KCND2: variants seen among roughly 807,000 people sequenced by gnomAD.
KCND2 encodes A-type voltage-gated potassium channel KCND2.
A neutral mutation model predicts 54.4 loss-of-function variants in KCND2; 16 were observed. The observed-to-expected ratio is 0.29, with a 90% CI of 0.20 to 0.45. KCND2 has a LOEUF of 0.45. Among genes scored for constraint, KCND2 ranks in the 20% least tolerant of loss-of-function variants. KCND2 has a pLI of 1.00. For synonymous variants in KCND2, 317 were observed against 310.7 expected (o/e 1.02, Z -0.21); for missense variants, 486 against 824.2 (o/e 0.59, Z 5.02).
At chr7:120,496,720 G>A (rs802344) in intron 1 of KCND2, among the ~76,000 whole-genome samples, 17,569 of 152,022 alleles carry the variant, frequency 0.12, 1,600 homozygotes, top group East Asian at 0.49. Flanking sequence ...CACCGTGCCC[G>A]GCCTTCTTAA....
At chr7:120,279,477 A>C (rs189416752) in intron 1 of KCND2, among the ~76,000 whole-genome samples, 4 of 152,122 alleles carry the variant, frequency 2.6e-5, no homozygotes, top group African/African-American at 4.8e-5. Context: ...AAGTTGCTAC[A>C]TGGCATTTCT....
At chr7:120,660,051 G>A (rs1791847667) in intron 1 of KCND2, among the ~76,000 whole-genome samples, 1 of 152,104 alleles carries the variant, frequency 6.6e-6, no homozygotes, top group Non-Finnish European at 1.5e-5. Flanking sequence ...GGATGTTATG[G>A]GTGGGCATGG....
intron 1 of KCND2, among the ~76,000 whole-genome samples, chr7:120,337,200 C>T (rs1037672560): frequency 6.6e-6 from 1 of 152,014 alleles, no homozygotes; most frequent in Non-Finnish European, 1.5e-5. Context: ...TATTGTTTTT[C>T]ACCACCTAGA....
At chr7:120,586,179 A>G (rs1296898234) in intron 1 of KCND2, among the ~76,000 whole-genome samples, 1 of 152,106 alleles carries the variant, frequency 6.6e-6, no homozygotes, top group Admixed American at 6.6e-5. Context: ...ACACACACAC[A>G]CACAAACACA....
intron 1 of KCND2, among the ~76,000 whole-genome samples, chr7:120,329,466 T>G (rs1429094198): frequency 6.6e-6 from 1 of 152,130 alleles, no homozygotes; most frequent in Non-Finnish European, 1.5e-5. Context: ...CACCTGAAAA[T>G]TAAGTTAAAT....
chr7:120,425,888 C>A (rs1801699373), intron 1 of KCND2, among the ~76,000 whole-genome samples: 1 of 151,710 alleles, frequency 6.6e-6, no homozygotes, highest in South Asian at 2.1e-4. Context: ...TCTTACATTT[C>A]TGGATTCTTC....
chr7:120,347,042 T>TA (rs1477145017), intron 1 of KCND2, among the ~76,000 whole-genome samples: 3 of 146,796 alleles, frequency 2.0e-5, no homozygotes, highest in Non-Finnish European at 4.5e-5. Context: ...CTCATGGCTC[T>TA]TTTTTTTTTG....
chr7:120,341,479 G>A (rs1300837039), intron 1 of KCND2, among the ~76,000 whole-genome samples: 1 of 152,082 alleles, frequency 6.6e-6, no homozygotes, highest in Non-Finnish European at 1.5e-5. Context: ...AAATATGCGG[G>A]ATCAATTGAT....
At chr7:120,498,910 G>T (rs1802891076) in intron 1 of KCND2, among the ~76,000 whole-genome samples, 1 of 152,106 alleles carries the variant, frequency 6.6e-6, no homozygotes, top group South Asian at 2.1e-4. Flanking sequence ...TTTGTATTTT[G>T]TTTAGGGAAA....
At chr7:120,378,140 C>T (rs777527073) in intron 1 of KCND2, among the ~76,000 whole-genome samples, 15 of 151,626 alleles carry the variant, frequency 9.9e-5, no homozygotes, top group South Asian at 2.1e-4. Flanking sequence ...TATGTATATA[C>T]GTGTGTATTT....
rs531500825 is a variant in KCND2 at position 120,621,985 on chromosome 7, G to T, written c.1116-110918G>T. Among the ~76,000 whole-genome samples the T allele has an allele frequency of 2.8e-4, 42 of 150,518 alleles. No homozygotes were observed. In the East Asian group the frequency reaches 7.3e-3, roughly 26 times the overall value. On this transcript the variant is annotated intron_variant, in intron 1 of 5. Transcript: ENST00000331113. ...AAGGTTTTTTTGTTGTTGTTGTTTT[G>T]GTTTTTTTTTAATGAAACTAGCCTT...
intron 1 of KCND2, among the ~76,000 whole-genome samples, chr7:120,468,658 A>G (rs1802412755): frequency 6.6e-6 from 1 of 152,164 alleles, no homozygotes; most frequent in Admixed American, 6.6e-5. Context: ...CAACAAGCCT[A>G]TCTATATGCC....
chr7:120,419,199 G>A (rs1365875643), intron 1 of KCND2, among the ~76,000 whole-genome samples: 4 of 151,998 alleles, frequency 2.6e-5, no homozygotes, highest in Non-Finnish European at 4.4e-5. Context: ...TTTTAAACCT[G>A]GATCACTGTC....
chr7:120,664,937 T>C (rs578139661), intron 1 of KCND2, among the ~76,000 whole-genome samples: 5 of 152,044 alleles, frequency 3.3e-5, no homozygotes, highest in Non-Finnish European at 5.9e-5. Context: ...CAGAGAAAAA[T>C]AAAACGTACA....
intron 1 of KCND2, among the ~76,000 whole-genome samples, chr7:120,716,703 C>T (rs2402550): frequency 1.3e-5 from 2 of 152,100 alleles, no homozygotes; most frequent in Non-Finnish European, 2.9e-5. Flanking sequence ...AGGCCCTTTT[C>T]CCTTCTTTAA....
At chr7:120,300,601 CTTGA>C (rs1426875490) in intron 1 of KCND2, among the ~76,000 whole-genome samples, 2 of 151,972 alleles carry the variant, frequency 1.3e-5, no homozygotes. Flanking sequence ...AAATTATATT[CTTGA>C]TTAAGTTATT....
chr7:120,725,104 T>A (rs28581757), intron 1 of KCND2, among the ~76,000 whole-genome samples: 1 of 152,126 alleles, frequency 6.6e-6, no homozygotes, highest in East Asian at 1.9e-4. Flanking sequence ...TTGGTTTTTT[T>A]AAAAAAGCAC....
At position 120,302,156 on chromosome 7, in the gene KCND2, C is replaced by T. The variant is rs188364080; in HGVS notation, c.1115+26409C>T. On this transcript the variant is annotated intron_variant, in intron 1 of 5. Transcript: ENST00000331113. ...ATAATCAATATCAGTAGTGAAGACT[C>T]CCTAAAAGTTCAAACCAGTTATGTA... Among the ~76,000 whole-genome samples the T allele has an allele frequency of 4.6e-5, 7 of 152,226 alleles. No homozygotes were observed. The East Asian group carries it at 1.2e-3, about 25-fold the overall frequency.
intron 1 of KCND2, among the ~76,000 whole-genome samples, chr7:120,434,696 G>A (rs1009015871): frequency 5.3e-5 from 8 of 152,140 alleles, no homozygotes; most frequent in Non-Finnish European, 7.3e-5. Context: ...TTACTTCCTT[G>A]TCTTTGGACA....
Sources: allele counts gnomAD v4.1 joint callset (sites outside exome capture counted in the v4.1 genomes callset), GRCh38; gene constraint gnomAD v4.1.1; transcripts MANE v1.5; gene names NCBI Gene and HGNC (gene_info 2026-07-23, HGNC 2026-07-21).